JPH2: variants seen among roughly 807,000 people sequenced by gnomAD.
JPH2 encodes the protein junctophilin 2.
In JPH2, 38 loss-of-function variants were observed where a neutral mutation model predicts 55.9. That is an observed-to-expected ratio of 0.68 (90% confidence interval 0.52 to 0.89). The LOEUF is 0.89. Among genes scored for constraint, JPH2 ranks in the 40% least tolerant of loss-of-function variants. JPH2 has a pLI of 0.00. For synonymous variants in JPH2, 480 were observed against 472.4 expected, an observed-to-expected ratio of 1.02 and a Z score of -0.21; for missense variants, 964 against 1,037.6, an observed-to-expected ratio of 0.93 and a Z score of 0.97.
chr20:44,142,369 T>C (rs1034919090), intron 2 of JPH2, among the ~76,000 whole-genome samples: 14 of 152,154 alleles, frequency 9.2e-5, no homozygotes, highest in African/African-American at 3.1e-4. Context: ...TTGTACAACA[T>C]TGCCATCCAT....
In JPH2 at chr20:44,108,770, G is replaced by A. The variant is rs1247501862; in HGVS notation, c.*4748C>T. ...GTTGCCGTACATGAGGGTCTCACCT[G>A]CAGTTGGTCTGTGGACAAAATATGA... On this transcript the variant is annotated 3_prime_UTR_variant, in exon 6 of 6. Coordinates refer to ENST00000372980, the MANE Select transcript of JPH2 (RefSeq NM_020433.5). Among the ~76,000 whole-genome samples the A allele has an allele frequency of 6.6e-6, 1 of 152,158 alleles. No individual in the cohort carries two copies. Among genetic ancestry groups the A allele is most frequent in the Non-Finnish European group, 1.5e-5 (1 of 68,028 alleles).
At chr20:44,155,839 T>C (rs770722298) in intron 2 of JPH2, among the ~76,000 whole-genome samples, 2 of 152,078 alleles carry the variant, frequency 1.3e-5, no homozygotes, top group African/African-American at 4.8e-5. Context: ...AGTTCGAGAA[T>C]AGTCTGGCCA....
intron 2 of JPH2, among the ~76,000 whole-genome samples, chr20:44,127,368 T>C (rs1188193725): frequency 6.6e-6 from 1 of 152,204 alleles, no homozygotes; most frequent in East Asian, 1.9e-4. Context: ...GTTTAACTTT[T>C]TGAGGATCTG....
rs554765087 is a variant in JPH2 at position 44,121,428 on chromosome 20, AG to A, written c.1170-2806del. The stretch of plus-strand genomic sequence containing the variant: ...GGATAAATTCCCTTAAGCTTCTACT[AG>A]GCACCAGGGCTTTTATCCCTTACAA... On this transcript the variant is annotated intron_variant, in intron 2 of 5. Coordinates refer to ENST00000372980, the MANE Select transcript of JPH2 (RefSeq NM_020433.5). Among the ~76,000 whole-genome samples the A allele has an allele frequency of 2.3e-3, 347 of 152,250 alleles. 1 individual carries two copies. Among genetic ancestry groups the A allele is most frequent in the Non-Finnish European group, 4.1e-3 (278 of 68,016 alleles).
intron 1 of JPH2, among the ~76,000 whole-genome samples, chr20:44,183,278 C>T (rs2072802336): frequency 6.6e-6 from 1 of 152,246 alleles, no homozygotes; most frequent in African/African-American, 2.4e-5. Context: ...CTGGCATAAA[C>T]ATCTGCTGAA....
chr20:44,179,432 G>A (rs2072762835), intron 1 of JPH2, among the ~76,000 whole-genome samples: 1 of 152,192 alleles, frequency 6.6e-6, no homozygotes, highest in African/African-American at 2.4e-5. Context: ...GTAGATGAGA[G>A]GGTTATGAGG....
At chr20:44,156,165 A>G (rs2072565222) in intron 2 of JPH2, among the ~76,000 whole-genome samples, 1 of 152,218 alleles carries the variant, frequency 6.6e-6, no homozygotes, top group East Asian at 1.9e-4. Context: ...CTGAAGCAGG[A>G]AGAAGACATT....
intron 1 of JPH2, among the ~76,000 whole-genome samples, chr20:44,165,418 G>T (rs752063910): frequency 6.6e-6 from 1 of 152,092 alleles, no homozygotes; most frequent in African/African-American, 2.4e-5. Context: ...TTCGACTAGA[G>T]AGTGGTCTGT....
At chr20:44,123,515 C>T (rs2072253628) in intron 2 of JPH2, among the ~76,000 whole-genome samples, 2 of 152,282 alleles carry the variant, frequency 1.3e-5, no homozygotes, top group Non-Finnish European at 2.9e-5. Context: ...CAAAATAAAA[C>T]CCTAGCTACT....
chr20:44,119,791 A>G (rs921489056), intron 2 of JPH2, among the ~76,000 whole-genome samples: 8 of 151,170 alleles, frequency 5.3e-5, no homozygotes, highest in South Asian at 4.2e-4. Context: ...GGAGAATGGC[A>G]TGAACCCAGG....
At chr20:44,145,702 T>TAA (rs2072490037) in intron 2 of JPH2, among the ~76,000 whole-genome samples, 1 of 152,138 alleles carries the variant, frequency 6.6e-6, no homozygotes, top group South Asian at 2.1e-4. Context: ...TTCCACTTTG[T>TAA]GGAGTTCTGT....
At chr20:44,153,854 G>A (rs543727291) in intron 2 of JPH2, among the ~76,000 whole-genome samples, 1 of 152,296 alleles carries the variant, frequency 6.6e-6, no homozygotes, top group African/African-American at 2.4e-5. Flanking sequence ...AAAAGATATA[G>A]CAAGCAAGGG....
At chr20:44,167,656 T>C (rs1035606683) in intron 1 of JPH2, among the ~76,000 whole-genome samples, 1 of 152,228 alleles carries the variant, frequency 6.6e-6, no homozygotes, top group Non-Finnish European at 1.5e-5. Context: ...TTGCAGTTGC[T>C]CTTCTGGTGA....
intron 1 of JPH2, among the ~76,000 whole-genome samples, chr20:44,168,476 A>ACTTC (rs1334909301): frequency 6.6e-6 from 1 of 152,228 alleles, no homozygotes; most frequent in Non-Finnish European, 1.5e-5. Flanking sequence ...TTCATATTAT[A>ACTTC]CTTCCATTAG....
intron 5 of JPH2, among the ~76,000 whole-genome samples, chr20:44,114,159 T>C (rs2072167825): frequency 6.6e-6 from 1 of 152,154 alleles, no homozygotes; most frequent in Admixed American, 6.5e-5. Context: ...CCCAGCCCAC[T>C]CCACTTCACG....
chr20:44,124,973 G>A (rs977059842), intron 2 of JPH2, among the ~76,000 whole-genome samples: 2 of 124,582 alleles, frequency 1.6e-5, no homozygotes, highest in African/African-American at 6.5e-5. Flanking sequence ...GCTGGGCACG[G>A]TGGTGCGCAC....
chr20:44,164,912 G>A (rs1046672097), intron 1 of JPH2, among the ~76,000 whole-genome samples: 5 of 149,568 alleles, frequency 3.3e-5, no homozygotes, highest in Non-Finnish European at 7.4e-5. Flanking sequence ...ATCTTGGCTC[G>A]CTGCAACCTC....
At chr20:44,144,819 T>G (rs555713973) in intron 2 of JPH2, among the ~76,000 whole-genome samples, 5 of 152,304 alleles carry the variant, frequency 3.3e-5, no homozygotes, top group Admixed American at 3.3e-4. Context: ...GGGAACTCAG[T>G]GTAGAGGCTG....
intron 1 of JPH2, among the ~76,000 whole-genome samples, chr20:44,171,745 G>T (rs575559423): frequency 6.6e-6 from 1 of 152,146 alleles, no homozygotes; most frequent in Admixed American, 6.5e-5. Context: ...CCTCAAGGAC[G>T]CCTTCTCTGA....
Sources: gnomAD v4.1 joint callset for allele counts (sites outside exome capture counted in the v4.1 genomes callset) on GRCh38, gnomAD v4.1.1 for gene constraint, MANE v1.5 for transcripts, NCBI Gene and HGNC (gene_info 2026-07-23, HGNC 2026-07-21) for gene names.